MBD3: variants seen among roughly 807,000 people sequenced by gnomAD.
MBD3 encodes the protein methyl-CpG-binding domain protein 3.
In MBD3, 13 loss-of-function variants were observed where a neutral mutation model predicts 31.2. The ratio of observed to expected loss-of-function variants is 0.42; its 90% CI spans 0.27 to 0.66. The LOEUF (loss-of-function observed/expected upper bound fraction) is 0.66. MBD3 is among the 30% of genes least tolerant of loss of function. The pLI is 0.26. For missense variants in MBD3, 440 were observed against 426.5 expected (o/e 1.03, Z -0.28); for synonymous variants, 223 against 187.4 (o/e 1.19, Z -1.55).
At position 1,582,604 on chromosome 19, in the gene MBD3, C is replaced by T. The variant is rs1208756313; in HGVS notation, c.499+18G>A. 9 of 1,611,528 alleles carry T rather than the reference C, an allele frequency of 5.6e-6. No homozygotes were observed. The African/African-American group carries it at 8.0e-5, about 14-fold the overall frequency. On this transcript the variant is annotated intron_variant, in intron 4 of 6. Transcript: ENST00000434436. ...CCCGGCACATCCCCTTCCGCCTCCC[C>T]TCAGGGTGCCCGCTCACCCTGCAGG...
At chr19:1,580,894 G>A (rs1917336536) in intron 5 of MBD3, among the ~76,000 whole-genome samples, 198 bp downstream of exon 5, 1 of 152,228 alleles carries the variant, frequency 6.6e-6, no homozygotes, top group Non-Finnish European at 1.5e-5. Flanking sequence ...GGGGTGCCTG[G>A]CTCGCCCTGA....
chr19:1,586,093 T>C (rs2060677888), intron 1 of MBD3: 1 of 152,246 alleles, frequency 6.6e-6, no homozygotes, highest in African/African-American at 2.4e-5. Flanking sequence ...AACAGCCATG[T>C]TGGAAAAGCC....
Position 1,575,397 on chromosome 19 carries a change from G to C in MBD3, c.*2767C>G. 3.0e-6 allele frequency: 1 copy of C among 332,258 alleles called. No individual in the cohort carries two copies. Among genetic ancestry groups the C allele is most frequent in the Non-Finnish European group, 6.1e-6 (1 of 164,414 alleles). The allele number at this position is 332,258 out of a possible 1,614,324, so 20.6% of individuals were successfully genotyped here. Reference sequence around the variant, plus strand: ...CCTGTGCAACAAGAGCGAAAGAAGAGCGAAACTCTTGTCTAAAAAAAAAAA... The same window carrying C: ...CCTGTGCAACAAGAGCGAAAGAAGACCGAAACTCTTGTCTAAAAAAAAAAA... On this transcript the variant is annotated 3_prime_UTR_variant, in exon 7 of 7. Coordinates refer to ENST00000434436, the MANE Select transcript of MBD3 (RefSeq NM_001281453.2).
chr19:1,578,913 G>C lies in MBD3; in HGVS notation c.678-375C>G, dbSNP rs1168313073. Among the ~76,000 whole-genome samples, 1 of 152,164 alleles carries C rather than the reference G, an allele frequency of 6.6e-6. No individual in the cohort carries two copies. Among genetic ancestry groups the C allele is most frequent in the Non-Finnish European group, 1.5e-5 (1 of 68,026 alleles). On this transcript the variant is annotated intron_variant, in intron 5 of 6. Transcript: ENST00000434436. The surrounding 1 kb of genome is among the most constrained non-coding windows in gnomAD (Gnocchi z 6.1). ...AGGAAAACCCTCACCAGGCCAGGTA[G>C]AGGCTCATGCCTGTAATCCCAGCAC...
chr19:1,584,253 T>A (rs2060666804), intron 3 of MBD3, among the ~76,000 whole-genome samples: 1 of 150,966 alleles, frequency 6.6e-6, no homozygotes, highest in African/African-American at 2.4e-5. Flanking sequence ...GGTCTTGCTC[T>A]GCCCCCAGGC....
intron 5 of MBD3, among the ~76,000 whole-genome samples, chr19:1,579,965 C>A (rs560295018): frequency 6.6e-6 from 1 of 152,296 alleles, no homozygotes; most frequent in South Asian, 2.1e-4. Context: ...ACCATGTTGG[C>A]CAGGCTGGTC....
chr19:1,585,534 C>CTTTTTTAATGATACGG lies in MBD3; in HGVS notation c.111-321_111-320insCCGTATCATTAAAAAA. On this transcript the variant is annotated intron_variant, in intron 1 of 6. Coordinates refer to ENST00000434436, the MANE Select transcript of MBD3 (RefSeq NM_001281453.2). This position sits in a 1 kb window ranked among gnomAD's most constrained non-coding sequence, Gnocchi z 4.1. ...CCAGCCTCCACATCGGATCCTTGCT[C>CTTTTTTAATGATACGG]CAGACCCCCAACCCCGGTCCCCTCT... 2.5e-6 allele frequency: 1 copy of CTTTTTTAATGATACGG among 396,052 alleles called. No homozygotes were observed. Among genetic ancestry groups the CTTTTTTAATGATACGG allele is most frequent in the Non-Finnish European group, 4.8e-6 (1 of 210,514 alleles). The allele number at this position is 396,052 out of a possible 1,614,324, so 24.5% of individuals were successfully genotyped here. A position where few individuals can be genotyped will look rare whatever the true frequency, so the allele number is the denominator to read the frequency against.
At chr19:1,584,462 C>T (rs1447488566) in intron 3 of MBD3, 78 bp downstream of exon 3, 7 of 1,588,168 alleles carry the variant, frequency 4.4e-6, no homozygotes, top group Non-Finnish European at 6.0e-6. Context: ...GCTCCACGTA[C>T]GACCTCATTC....
At chr19:1,580,578 G>A (rs930019030) in intron 5 of MBD3, among the ~76,000 whole-genome samples, 5 of 152,244 alleles carry the variant, frequency 3.3e-5, no homozygotes, top group South Asian at 2.1e-4. Context: ...GCGGCCTTGC[G>A]TCCACTCTGC....
chr19:1,581,910 G>A (rs935912521), intron 4 of MBD3, among the ~76,000 whole-genome samples: 2 of 151,968 alleles, frequency 1.3e-5, no homozygotes, highest in African/African-American at 4.8e-5. Context: ...TGAGACTACA[G>A]GCGGCCGCCA....
Position 1,578,450 on chromosome 19 carries a change from G to T in MBD3, c.766C>A (p.Arg256Ser). 6 of 1,607,870 alleles carry T rather than the reference G, an allele frequency of 3.7e-6. No individual in the cohort carries two copies. The highest frequency in any genetic ancestry group is 5.1e-6 in the Non-Finnish European group (6 of 1,179,832). The change falls in exon 6 of 7, where the codon CGT becomes AGT. Residue 256 changes from arginine to serine, a missense_variant. By Grantham distance (110) the Arg-to-Ser change is moderately radical. Coordinates refer to ENST00000434436, the MANE Select transcript of MBD3 (RefSeq NM_001281453.2). The surrounding 1 kb of genome is among the most constrained non-coding windows in gnomAD (Gnocchi z 6.1). ...DMLAHVEELA[R>S]DGEAPLDKAC... is the part of the protein sequence containing the mutation. ...TTGTCCAGCGGCGCCTCCCCGTCAC[G>T]GGCCAGCTCCTCCACGTGCGCCAGC...
rs2060712559 is a variant in MBD3, at chr19:1,592,760, GGCCCCCGCCCTCC to G, written c.-142_-130del. On this transcript the variant is annotated 5_prime_UTR_variant, in exon 1 of 7. Transcript: ENST00000434436. ...CTTGCCGCGGCTGTTCCGGCCCGCG[GGCCCCCGCCCTCC>G]GCCCCCAGCCGGGCGCGCGCCGGCT... 1 of 177,502 alleles carries G rather than the reference GGCCCCCGCCCTCC, an allele frequency of 5.6e-6. No homozygotes were observed. Among genetic ancestry groups the G allele is most frequent in the Non-Finnish European group, 1.1e-5 (1 of 93,782 alleles). The allele number at this position is 177,502 out of a possible 1,614,324, so 11.0% of individuals were successfully genotyped here.
At chr19:1,582,569 C>A in intron 4 of MBD3, 53 bp downstream of exon 4, 1 of 1,559,384 alleles carries the variant, frequency 6.4e-7, no homozygotes, top group Non-Finnish European at 8.8e-7. Context: ...CCTGCAGCAC[C>A]TCCACCCCAC....
In MBD3 at chr19:1,584,567, C is replaced by A. The variant is rs375461852; in HGVS notation, c.381G>T (p.Pro127=). 1.2e-6 allele frequency: 2 copies of A among 1,613,680 alleles called. No individual in the cohort carries two copies. The highest frequency in any genetic ancestry group is 1.3e-5 in the African/African-American group (1 of 75,056). Residue 127 remains proline (P), a synonymous_variant, in exon 3 of 7, where the codon CCG becomes CCT. Coordinates refer to ENST00000434436, the MANE Select transcript of MBD3 (RefSeq NM_001281453.2). ...GGCGCGGCTGGTCCACCGCCTTCTG[C>A]GGGTCGCTCTTGACCTTGTTGCTGG... The part of the protein sequence containing the change: ...NHPSNKVKSD[P]QKAVDQPRQL...
In MBD3 at chr19:1,585,028, C is replaced by T. The variant is rs774275156; in HGVS notation, c.270+27G>A. 7.5e-6 allele frequency: 12 copies of T among 1,608,450 alleles called. No homozygotes were observed. The highest frequency in any genetic ancestry group is 1.7e-5 in the Admixed American group (1 of 59,952). ...CCCCGCCTAGAACGCCCCGCGCCGA[C>T]GTCACCTGCGTGACGCCACCACTCA... On this transcript the variant is annotated intron_variant, in intron 2 of 6. Transcript: ENST00000434436. This position sits in a 1 kb window ranked among gnomAD's most constrained non-coding sequence, Gnocchi z 4.1.
chr19:1,582,244 G>A (rs1393794991), intron 4 of MBD3, among the ~76,000 whole-genome samples: 1 of 152,198 alleles, frequency 6.6e-6, no homozygotes, highest in Non-Finnish European at 1.5e-5. Flanking sequence ...TGCAAGAGCT[G>A]CATTCTTTGT....
At position 1,576,925 on chromosome 19, in the gene MBD3, C is replaced by G. The variant is rs12884; in HGVS notation, c.*1239G>C. 18,338 of 152,324 alleles carry G rather than the reference C, an allele frequency of 0.12. 1,186 individuals carry two copies. The highest frequency in any genetic ancestry group is 0.14 in the Non-Finnish European group (9,544 of 68,056). 9.4% of individuals were successfully genotyped at this position (152,324 alleles called of 1,614,324 possible). A position where few individuals can be genotyped will look rare whatever the true frequency, so the allele number is the denominator to read the frequency against. On this transcript the variant is annotated 3_prime_UTR_variant, in exon 7 of 7. Transcript: ENST00000434436. ...AAGCTGCCAGCCCACTGCCTCCATG[C>G]GGGTCCTTGGAGGGCAGACGGTGGA...
At chr19:1,581,021 C>T (rs1357067254) in intron 5 of MBD3, 71 bp downstream of exon 5, 25 of 1,561,766 alleles carry the variant, frequency 1.6e-5, no homozygotes, top group Admixed American at 8.5e-5. Context: ...CGCAGGCACA[C>T]GGGGACACTC....
rs1915038353 is a variant in MBD3, at chr19:1,574,191, G to A, written c.*3973C>T. ...CATATGCCTGTAATCTCAGCTACTT[G>A]GGAGGCTGAGGAGGGAGAATGGCGT... On this transcript the variant is annotated 3_prime_UTR_variant, in exon 7 of 7. Coordinates refer to ENST00000434436, the MANE Select transcript of MBD3 (RefSeq NM_001281453.2). The A allele has an allele frequency of 6.6e-6, 1 of 152,078 alleles. No individual in the cohort carries two copies. Among genetic ancestry groups the A allele is most frequent in the African/African-American group, 2.4e-5 (1 of 41,388 alleles). The allele number at this position is 152,078 out of a possible 1,614,324, so 9.4% of individuals were successfully genotyped here. A position where few individuals can be genotyped will look rare whatever the true frequency, so the allele number is the denominator to read the frequency against.
Sources: gnomAD v4.1 joint callset for allele counts (sites outside exome capture counted in the v4.1 genomes callset) on GRCh38, gnomAD v4.1.1 for gene constraint, Gnocchi (gnomAD v3.1) non-coding constraint, MANE v1.5 for transcripts, NCBI Gene and HGNC (gene_info 2026-07-23, HGNC 2026-07-21) for gene names.